TMEM266: variants seen among roughly 807,000 people sequenced by gnomAD.
The protein encoded by TMEM266 is Hv1 related protein 1.
A neutral mutation model predicts 50.5 loss-of-function variants in TMEM266; 33 were observed. The ratio of observed to expected loss-of-function variants is 0.65; its 90% confidence interval spans 0.50 to 0.87. The LOEUF (loss-of-function observed/expected upper bound fraction) is 0.87. TMEM266 is among the 40% of genes least tolerant of loss of function. The pLI is 0.00. For synonymous variants in TMEM266, 310 were observed against 292.3 expected, an observed-to-expected ratio of 1.06 and a Z score of -0.62; for missense variants, 655 against 695.1, an observed-to-expected ratio of 0.94 and a Z score of 0.65.
At chr15:76,110,803 T>A (rs1354700876) in intron 1 of TMEM266, among the ~76,000 whole-genome samples, 2 of 151,980 alleles carry the variant, frequency 1.3e-5, no homozygotes, top group Non-Finnish European at 2.9e-5. Context: ...AAACCAATAG[T>A]CCAATCAAAA....
rs568019988 is a variant in TMEM266, at chr15:76,199,437, C to T, written c.959-2765C>T. ...GCAGGCTGACCCTCTGGGCTGAGCC[C>T]AGCAAGCTGATGTTTGCCCAGGGTG... On this transcript the variant is annotated intron_variant, in intron 9 of 10. Transcript: ENST00000388942. 3.7e-4 allele frequency among the ~76,000 whole-genome samples: 56 copies of T among 152,330 alleles called. 1 individual carries two copies. The highest frequency in any genetic ancestry group is 1.3e-4 in the Non-Finnish European group (9 of 68,026).
At chr15:76,191,710 C>T (rs936193448) in intron 8 of TMEM266, 3 of 439,058 alleles carry the variant, frequency 6.8e-6, no homozygotes, top group Non-Finnish European at 1.2e-5. Flanking sequence ...TTTCCTCTCC[C>T]GGGCATCCGT....
chr15:76,065,788 C>T (rs1216206686), intron 1 of TMEM266, among the ~76,000 whole-genome samples: 1 of 152,138 alleles, frequency 6.6e-6, no homozygotes, highest in Non-Finnish European at 1.5e-5. Context: ...CCAAATGCCT[C>T]CCTCTAGCCA....
In TMEM266 at chr15:76,168,112, A is replaced by G. The variant is rs1216937504; in HGVS notation, c.457-1704A>G. Among the ~76,000 whole-genome samples, 2 of 152,330 alleles carry G rather than the reference A, an allele frequency of 1.3e-5. No homozygotes were observed. The highest frequency in any genetic ancestry group is 3.4e-3 in the Middle Eastern group (1 of 294). Reference sequence around the variant, plus strand: ...TTGCCCAAGGCCACACAACCAGCCCATTATTGAGCTCTGATCTCAAGACAT... The same window carrying G: ...TTGCCCAAGGCCACACAACCAGCCCGTTATTGAGCTCTGATCTCAAGACAT... On this transcript the variant is annotated intron_variant, in intron 5 of 10. Coordinates refer to ENST00000388942, the MANE Select transcript of TMEM266 (RefSeq NM_152335.3). This position sits in a 1 kb window ranked among gnomAD's most constrained non-coding sequence, Gnocchi z 4.4.
chr15:76,197,821 C>T (rs977576396), intron 9 of TMEM266, among the ~76,000 whole-genome samples: 11 of 152,244 alleles, frequency 7.2e-5, no homozygotes, highest in Admixed American at 5.2e-4. Context: ...GTCCCCACCA[C>T]CTCCAGGAAG....
chr15:76,150,359 A>G (rs1322459065), intron 3 of TMEM266, among the ~76,000 whole-genome samples: 2 of 152,110 alleles, frequency 1.3e-5, no homozygotes, highest in Non-Finnish European at 1.5e-5. Context: ...TCTCATTTTG[A>G]TCACCTCCCT....
At chr15:76,149,795 A>G (rs1346835454) in intron 3 of TMEM266, among the ~76,000 whole-genome samples, 2 of 152,218 alleles carry the variant, frequency 1.3e-5, no homozygotes, top group African/African-American at 4.8e-5. Flanking sequence ...AACATTTGTA[A>G]AGTGCTCACA....
intron 8 of TMEM266, among the ~76,000 whole-genome samples, chr15:76,189,928 T>C (rs1364207921): frequency 1.3e-5 from 2 of 152,234 alleles, no homozygotes; most frequent in African/African-American, 4.8e-5. Context: ...GGCAGGAAGC[T>C]GAAAACCTGC....
chr15:76,170,254 C>T (rs544156914), intron 6 of TMEM266, among the ~76,000 whole-genome samples: 9 of 152,304 alleles, frequency 5.9e-5, no homozygotes, highest in South Asian at 2.1e-4. Context: ...TCCCGCCACA[C>T]GGGTGGGTGT....
At position 76,203,900 on chromosome 15, in the gene TMEM266, T is replaced by C; in HGVS notation, c.1181T>C (p.Val394Ala). ...TCGGAGAGTGCCTCCCGCAGCTCAG[T>C]CACCCGGGCCCAGAGTGACAGCAGC... Residue 394 changes from valine (V) to alanine (A), a missense_variant, in exon 11 of 11, where the codon GTC becomes GCC. Around this residue, in one of 3 missense-constraint regions of TMEM266, gnomAD observed 455 missense variants for 401.8 expected, o/e 1.13. Transcript: ENST00000388942. The C allele has an allele frequency of 6.2e-7, 1 of 1,614,094 alleles. No homozygotes were observed. The highest frequency in any genetic ancestry group is 8.5e-7 in the Non-Finnish European group (1 of 1,180,034).
chr15:76,107,063 C>G (rs1253486467), intron 1 of TMEM266, among the ~76,000 whole-genome samples: 1 of 151,988 alleles, frequency 6.6e-6, no homozygotes, highest in East Asian at 1.9e-4. Context: ...TGTCTCTGTC[C>G]CACGGAAATA....
At chr15:76,202,830 CA>C (rs1220747646) in intron 10 of TMEM266, among the ~76,000 whole-genome samples, 23 of 152,328 alleles carry the variant, frequency 1.5e-4, no homozygotes, top group Non-Finnish European at 2.4e-4. Flanking sequence ...TTGAATTTCG[CA>C]GCCCCCAAAA....
chr15:76,065,085 T>C (rs1430019174), intron 1 of TMEM266, among the ~76,000 whole-genome samples: 1 of 152,254 alleles, frequency 6.6e-6, no homozygotes, highest in East Asian at 1.9e-4. Flanking sequence ...CTAATTCTCC[T>C]TTAACCATGA....
rs2038127454 is a variant in TMEM266, at chr15:76,168,177, C to T, written c.457-1639C>T. On this transcript the variant is annotated intron_variant, in intron 5 of 10. Transcript: ENST00000388942. This position sits in a 1 kb window ranked among gnomAD's most constrained non-coding sequence, Gnocchi z 4.4. Reference sequence around the variant, plus strand: ...CCAGATCTCTCCCCACCCCTGCAAGCTGTCTCGCAGTTAAGCGTGGGGCCA... The same window carrying T: ...CCAGATCTCTCCCCACCCCTGCAAGTTGTCTCGCAGTTAAGCGTGGGGCCA... 6.6e-6 allele frequency among the ~76,000 whole-genome samples: 1 copy of T among 152,226 alleles called. No homozygotes were observed. Among genetic ancestry groups the T allele is most frequent in the African/African-American group, 2.4e-5 (1 of 41,462 alleles).
intron 1 of TMEM266, among the ~76,000 whole-genome samples, chr15:76,093,798 A>T (rs2036886981): frequency 1.3e-5 from 2 of 152,002 alleles, no homozygotes; most frequent in African/African-American, 4.8e-5. Flanking sequence ...CTTTTTAATG[A>T]TCGCCATTTT....
intron 9 of TMEM266, among the ~76,000 whole-genome samples, chr15:76,200,340 T>C (rs2038726364): frequency 6.6e-6 from 1 of 152,188 alleles, no homozygotes; most frequent in Non-Finnish European, 1.5e-5. Flanking sequence ...CAGAACCATC[T>C]GCCTGGCCCC....
At chr15:76,104,400 G>A (rs934527850) in intron 1 of TMEM266, among the ~76,000 whole-genome samples, 1 of 152,196 alleles carries the variant, frequency 6.6e-6, no homozygotes, top group Non-Finnish European at 1.5e-5. Context: ...ATGAGCAGGG[G>A]CTACCCTATT....
At chr15:76,100,144 A>G (rs904988970) in intron 1 of TMEM266, among the ~76,000 whole-genome samples, 4 of 152,176 alleles carry the variant, frequency 2.6e-5, no homozygotes, top group Non-Finnish European at 5.9e-5. Context: ...ACGACATTCT[A>G]GAGGGCAGGA....
intron 9 of TMEM266, among the ~76,000 whole-genome samples, chr15:76,196,403 C>G (rs532168546): frequency 3.1e-4 from 47 of 152,338 alleles, no homozygotes; most frequent in Admixed American, 3.3e-4. Flanking sequence ...GAGGAACACA[C>G]ATGATTCACA....
Sources: gnomAD v4.1 joint callset for allele counts (sites outside exome capture counted in the v4.1 genomes callset) on GRCh38, gnomAD v4.1.1 for gene constraint, gnomAD v4.1.1 regional missense constraint, Gnocchi (gnomAD v3.1) non-coding constraint, MANE v1.5 for transcripts, NCBI Gene and HGNC (gene_info 2026-07-23, HGNC 2026-07-21) for gene names.